ARID2: variants seen among roughly 807,000 people sequenced by gnomAD.
ARID2 encodes AT-rich interaction domain 2.
A neutral mutation model predicts 184.6 loss-of-function variants in ARID2; 32 were observed. That is an observed-to-expected ratio of 0.17 (90% CI 0.13 to 0.23). The LOEUF (loss-of-function observed/expected upper bound fraction) is 0.23, where lower values mean the gene tolerates loss of function less well. Among genes scored for constraint, ARID2 ranks in the 10% least tolerant of loss-of-function variants. The pLI is 1.00. For synonymous variants in ARID2, 836 were observed against 772.6 expected (o/e 1.08, Z -1.36); for missense variants, 1,696 against 2,197.6 (o/e 0.77, Z 4.56).
At chr12:45,832,741 A>G (rs926805238) in intron 6 of ARID2, among the ~76,000 whole-genome samples, 1 of 152,198 alleles carries the variant, frequency 6.6e-6, no homozygotes, top group Non-Finnish European at 1.5e-5. Flanking sequence ...ATATTTGGGG[A>G]AAAAAGCAAT....
chr12:45,852,413 T>TATA lies in ARID2; in HGVS notation c.4291_4293dup (p.Ile1431dup), dbSNP rs745443149. ...CTTTGGGTGGTTCATCTGTGAGCAG[T>TATA]ATACAGGAGGCTTCAAATGCGGCAA... On this transcript the variant is annotated inframe_insertion, in exon 15 of 21. Coordinates refer to ENST00000334344, the MANE Select transcript of ARID2 (RefSeq NM_152641.4). The TATA allele has an allele frequency of 6.2e-7, 1 of 1,614,134 alleles. No individual in the cohort carries two copies. Among genetic ancestry groups the TATA allele is most frequent in the South Asian group, 1.1e-5 (1 of 91,086 alleles).
At chr12:45,737,831 T>A (rs1941159997) in intron 3 of ARID2, among the ~76,000 whole-genome samples, 1 of 152,126 alleles carries the variant, frequency 6.6e-6, no homozygotes, top group South Asian at 2.1e-4. Context: ...AGGTGACATC[T>A]GGTCTAGGGG....
chr12:45,792,610 GAGAT>G lies in ARID2; in HGVS notation c.285-18805_285-18802del, dbSNP rs540098583. Among the ~76,000 whole-genome samples, 359 of 152,204 alleles carry G rather than the reference GAGAT, an allele frequency of 2.4e-3. 4 individuals are homozygous for G. The highest frequency in any genetic ancestry group is 7.9e-3 in the African/African-American group (328 of 41,534). ...TGGTTTGTTTCTTCAATTATTAAGAGAGATAGGTTTTAAAAATTAAACTATGACA... is the reference window on the plus strand; with the variant it reads ...TGGTTTGTTTCTTCAATTATTAAGAGAGGTTTTAAAAATTAAACTATGACA... On this transcript the variant is annotated intron_variant, in intron 3 of 20. Transcript: ENST00000334344.
At chr12:45,849,820 AT>A in intron 14 of ARID2, 44 bp downstream of exon 14, 6 of 1,540,774 alleles carry the variant, frequency 3.9e-6, no homozygotes, top group Non-Finnish European at 5.3e-6. Flanking sequence ...TGATTTAATA[AT>A]AAAACTGAAT....
Position 45,850,789 on chromosome 12 carries a change from C to T in ARID2, c.2666C>T (p.Ser889Leu), listed in dbSNP as rs1943534179. ...TIAGVPSPQASRVGFQNIAPK... is the reference protein window; with the variant it reads ...TIAGVPSPQALRVGFQNIAPK... ...GCTGGTGTCCCAAGTCCACAAGCCTCAAGGGTAGGGTTTCAGAACATTGCA... is the reference window on the plus strand; with the variant it reads ...GCTGGTGTCCCAAGTCCACAAGCCTTAAGGGTAGGGTTTCAGAACATTGCA... Residue 889 changes from serine to leucine, a missense_variant, in exon 15 of 21, where the codon TCA becomes TTA. This residue lies in a region of ARID2 where 713 missense variants were observed against 824.4 expected (regional missense o/e 0.86). Coordinates refer to ENST00000334344, the MANE Select transcript of ARID2 (RefSeq NM_152641.4). 1 of 1,614,122 alleles carries T rather than the reference C, an allele frequency of 6.2e-7. No individual in the cohort carries two copies. The highest frequency in any genetic ancestry group is 2.2e-5 in the East Asian group (1 of 44,880).
At chr12:45,810,860 A>G (rs897704991) in intron 3 of ARID2, among the ~76,000 whole-genome samples, 5 of 152,262 alleles carry the variant, frequency 3.3e-5, no homozygotes, top group Admixed American at 1.3e-4. Flanking sequence ...CTATTTTTAT[A>G]TTGTTATTTG....
intron 11 of ARID2, chr12:45,841,864 A>T (rs1160538379): frequency 6.6e-6 from 1 of 152,078 alleles, no homozygotes; most frequent in East Asian, 1.9e-4. Context: ...TATGTTTGAG[A>T]TTCTTTTTTA....
chr12:45,758,358 A>G (rs1941609445), intron 3 of ARID2, among the ~76,000 whole-genome samples: 1 of 150,346 alleles, frequency 6.7e-6, no homozygotes, highest in Non-Finnish European at 1.5e-5. Flanking sequence ...ACATTATGAC[A>G]TTTTTTTTTG....
At chr12:45,870,833 A>G (rs569217116) in intron 16 of ARID2, among the ~76,000 whole-genome samples, 1 of 152,320 alleles carries the variant, frequency 6.6e-6, no homozygotes, top group Admixed American at 6.5e-5. Context: ...ATACAGATGT[A>G]CATAGTTTGC....
At chr12:45,871,271 A>G (rs1943922023) in intron 16 of ARID2, among the ~76,000 whole-genome samples, 1 of 152,156 alleles carries the variant, frequency 6.6e-6, no homozygotes, top group Non-Finnish European at 1.5e-5. Context: ...GTGTCTATTC[A>G]GATATTTAAC....
In ARID2 at chr12:45,836,873, A is replaced by G. The variant is rs773972649; in HGVS notation, c.905A>G (p.Asn302Ser). 9 of 1,614,126 alleles carry G rather than the reference A, an allele frequency of 5.6e-6. No individual in the cohort carries two copies. The highest frequency in any genetic ancestry group is 2.2e-5 in the South Asian group (2 of 91,080). The change falls in exon 8 of 21, where the codon AAT (asparagine) becomes AGT (serine). Residue 302 changes from asparagine (N) to serine (S), a missense_variant. Asn to Ser is a conservative substitution (Grantham distance 46). Transcript: ENST00000334344. ...ILRNLSFEEG[N>S]VKLLAANRTC... ...AGAAATCTTTCCTTTGAGGAGGGCA[A>G]TGTTAAGCTCTTGGCAGCTAATCGT...
chr12:45,833,942 C>T (rs1047387042), intron 6 of ARID2, among the ~76,000 whole-genome samples: 14 of 152,188 alleles, frequency 9.2e-5, no homozygotes, highest in African/African-American at 3.4e-4. Flanking sequence ...AAAATTTGCT[C>T]TCATATTCTA....
chr12:45,856,280 G>C (rs1031027205), intron 15 of ARID2, among the ~76,000 whole-genome samples: 2 of 149,820 alleles, frequency 1.3e-5, no homozygotes, highest in Non-Finnish European at 3.0e-5. Flanking sequence ...TGTTGGTCAG[G>C]CTGGTCTCAA....
At chr12:45,762,759 C>T (rs1302654837) in intron 3 of ARID2, among the ~76,000 whole-genome samples, 5 of 149,716 alleles carry the variant, frequency 3.3e-5, no homozygotes, top group Non-Finnish European at 7.4e-5. Flanking sequence ...CTATATCTTA[C>T]TTCTAAAGGT....
At chr12:45,737,083 A>G (rs1278317348) in intron 3 of ARID2, among the ~76,000 whole-genome samples, 2 of 152,206 alleles carry the variant, frequency 1.3e-5, no homozygotes, top group Non-Finnish European at 2.9e-5. Flanking sequence ...GTGCTTGGAT[A>G]CTTTCTGTGT....
At chr12:45,757,485 G>A (rs1206116388) in intron 3 of ARID2, among the ~76,000 whole-genome samples, 1 of 152,132 alleles carries the variant, frequency 6.6e-6, no homozygotes, top group African/African-American at 2.4e-5. Flanking sequence ...GGACCCAACT[G>A]GGATAGTCTT....
intron 16 of ARID2, among the ~76,000 whole-genome samples, chr12:45,876,793 TAAA>T (rs569976302): frequency 2.3e-5 from 3 of 129,216 alleles, no homozygotes; most frequent in Non-Finnish European, 1.7e-5. Flanking sequence ...AACCTTCAAT[TAAA>T]AAAAAAAAAA....
At chr12:45,883,608 C>T (rs534993789) in intron 16 of ARID2, among the ~76,000 whole-genome samples, 1 of 148,932 alleles carries the variant, frequency 6.7e-6, no homozygotes, top group African/African-American at 2.5e-5. Context: ...AAATATACCC[C>T]CATTTTTACC....
At chr12:45,880,188 G>C (rs909107403) in intron 16 of ARID2, among the ~76,000 whole-genome samples, 10 of 152,140 alleles carry the variant, frequency 6.6e-5, no homozygotes, top group Non-Finnish European at 1.2e-4. Flanking sequence ...AACTGCTACA[G>C]AAAGATGAAA....
Sources: gnomAD v4.1 joint callset for allele counts (sites outside exome capture counted in the v4.1 genomes callset) on GRCh38, gnomAD v4.1.1 for gene constraint, gnomAD v4.1.1 regional missense constraint, MANE v1.5 for transcripts, NCBI Gene and HGNC (gene_info 2026-07-23, HGNC 2026-07-21) for gene names.